Variants in GRXCR2 observed in about 807,000 individuals in gnomAD.
GRXCR2 encodes the protein glutaredoxin domain-containing cysteine-rich protein 2.
GRXCR2 carries 23 observed loss-of-function variants against 24.8 expected under a neutral mutation model. That is an observed-to-expected ratio of 0.93 (90% CI 0.67 to 1.32). GRXCR2 has a LOEUF of 1.32. Ranked by LOEUF, GRXCR2 falls within the 40% of genes most tolerant of loss-of-function variation. GRXCR2 has a pLI of 0.00. For missense variants in GRXCR2, 315 were observed against 303.4 expected, an observed-to-expected ratio of 1.04 and a Z score of -0.28; for synonymous variants, 130 against 116.1, an observed-to-expected ratio of 1.12 and a Z score of -0.77.
chr5:145,869,424 A>G (rs565986517), intron 1 of GRXCR2, among the ~76,000 whole-genome samples: 6 of 152,052 alleles, frequency 3.9e-5, no homozygotes, highest in Non-Finnish European at 7.4e-5. Flanking sequence ...CTTTTTCTCT[A>G]CCCATCACAT....
At chr5:145,881,407 G>T (rs1756698996) in intron 2 of GRXCR2, among the ~76,000 whole-genome samples, 1 of 152,174 alleles carries the variant, frequency 6.6e-6, no homozygotes, top group Admixed American at 6.5e-5. Flanking sequence ...GCCAAATCAT[G>T]AGTGAACTCC....
Position 145,859,634 on chromosome 5 carries a change from G to T in GRXCR2, c.*99C>A. Reference sequence around the variant, plus strand: ...AGTGGGAGTGACTGCAGCCACTGTGGCCTCCTTGTTGGGAGAGGCAGGAGG... The same window carrying T: ...AGTGGGAGTGACTGCAGCCACTGTGTCCTCCTTGTTGGGAGAGGCAGGAGG... On this transcript the variant is annotated 3_prime_UTR_variant, in exon 3 of 3. Coordinates refer to ENST00000377976, the MANE Select transcript of GRXCR2 (RefSeq NM_001080516.2). 9.2e-7 allele frequency: 1 copy of T among 1,085,108 alleles called. No homozygotes were observed. Among genetic ancestry groups the T allele is most frequent in the South Asian group, 1.4e-5 (1 of 70,980 alleles). The allele number at this position is 1,085,108 out of a possible 1,614,324, so 67.2% of individuals were successfully genotyped here.
intron 2 of GRXCR2, among the ~76,000 whole-genome samples, chr5:145,913,264 C>T (rs571996130): frequency 7.2e-5 from 11 of 152,252 alleles, no homozygotes; most frequent in African/African-American, 2.6e-4. Context: ...CTCAGGATAG[C>T]ACATTGCATT....
intron 2 of GRXCR2, among the ~76,000 whole-genome samples, chr5:145,861,127 A>G (rs182855254): frequency 1.3e-4 from 20 of 151,910 alleles, no homozygotes; most frequent in East Asian, 3.9e-4. Flanking sequence ...TGCTTTCTTC[A>G]TCCCACAACT....
upstream of GRXCR2, among the ~76,000 whole-genome samples, chr5:145,875,848 T>G (rs1427823076): frequency 6.6e-6 from 1 of 152,080 alleles, no homozygotes; most frequent in East Asian, 1.9e-4. Context: ...TACATTAGCC[T>G]TATTCATTTA....
chr5:145,877,489 A>T (rs1212132093), upstream of GRXCR2, among the ~76,000 whole-genome samples: 1 of 152,242 alleles, frequency 6.6e-6, no homozygotes, highest in Non-Finnish European at 1.5e-5. Context: ...TAAGAAAATA[A>T]TATGGAAACA....
chr5:145,887,886 T>C (rs1188968685), intron 2 of GRXCR2, among the ~76,000 whole-genome samples: 1 of 152,236 alleles, frequency 6.6e-6, no homozygotes, highest in African/African-American at 2.4e-5. Context: ...ACAGAGTGCC[T>C]ATTTTACAAT....
intron 2 of GRXCR2, among the ~76,000 whole-genome samples, chr5:145,912,717 G>A (rs1757183130): frequency 6.6e-6 from 1 of 151,884 alleles, no homozygotes; most frequent in Admixed American, 6.6e-5. Context: ...GGAGGTATGA[G>A]GCGGAGTCCT....
At chr5:145,871,326 TA>T in intron 1 of GRXCR2, among the ~76,000 whole-genome samples, 1 of 152,132 alleles carries the variant, frequency 6.6e-6, no homozygotes, top group Non-Finnish European at 1.5e-5. Flanking sequence ...TATGGTTCTC[TA>T]AAAAAAGGAA....
intron 1 of GRXCR2, among the ~76,000 whole-genome samples, chr5:145,867,588 C>T (rs1756458569): frequency 6.6e-6 from 1 of 152,148 alleles, no homozygotes; most frequent in South Asian, 2.1e-4. Context: ...GACAATATCA[C>T]AATGCAGTAG....
intron 2 of GRXCR2, among the ~76,000 whole-genome samples, chr5:145,909,532 C>T (rs1757135923): frequency 6.6e-6 from 1 of 152,216 alleles, no homozygotes; most frequent in Admixed American, 6.5e-5. Flanking sequence ...TATTGCCCCC[C>T]TCAGTGTAAC....
intron 2 of GRXCR2, among the ~76,000 whole-genome samples, chr5:145,891,561 T>TCA (rs1756864580): frequency 1.3e-5 from 2 of 152,080 alleles, no homozygotes; most frequent in Admixed American, 1.3e-4. Context: ...GAGATCAAAC[T>TCA]GCAAGGCAGC....
rs538830429 is a variant in GRXCR2, at chr5:145,909,218, C to T, written c.-70+26483G>A. Among the ~76,000 whole-genome samples the T allele has an allele frequency of 5.1e-4, 77 of 152,270 alleles. 1 individual carries two copies. The South Asian group carries it at 0.014, about 27-fold the overall frequency. ...GTAATTCATAACAGGCTATGAGGCG[C>T]GCAGTCATTACTACTGCCATATTAT... On this transcript the variant is annotated intron_variant, in intron 2 of 3. Coordinates refer to the GRXCR2 transcript ENST00000639411.
At chr5:145,917,633 T>C (rs1049959178) in intron 2 of GRXCR2, among the ~76,000 whole-genome samples, 3 of 152,098 alleles carry the variant, frequency 2.0e-5, no homozygotes, top group Non-Finnish European at 2.9e-5. Context: ...GCAGCACCTG[T>C]CACATCCTCA....
At chr5:145,929,222 T>TATATATATATATATATATAC (rs1561694422) in intron 2 of GRXCR2, among the ~76,000 whole-genome samples, 1 of 146,508 alleles carries the variant, frequency 6.8e-6, no homozygotes, top group African/African-American at 2.5e-5. Context: ...TATATATATA[T>TATATATATATATATATATAC]ATCACCATTT....
At chr5:145,866,148 A>AAAG (rs1554104084) in intron 2 of GRXCR2, among the ~76,000 whole-genome samples, 1 of 148,284 alleles carries the variant, frequency 6.7e-6, no homozygotes, top group African/African-American at 2.5e-5. Flanking sequence ...AAAAAAAAAA[A>AAAG]AAAGAAAGAA....
At chr5:145,906,568 A>G (rs1341512510) in intron 2 of GRXCR2, among the ~76,000 whole-genome samples, 1 of 152,174 alleles carries the variant, frequency 6.6e-6, no homozygotes, top group Non-Finnish European at 1.5e-5. Context: ...TTCCAACAGC[A>G]CTGGAAGTAA....
chr5:145,922,816 GGCCAAACTCCCA>G (rs1757340464), intron 2 of GRXCR2, among the ~76,000 whole-genome samples: 1 of 152,186 alleles, frequency 6.6e-6, no homozygotes. Context: ...ACCAAAGCTA[GGCCAAACTCCCA>G]GAACTAGCCC....
chr5:145,925,431 T>A (rs1450754823), intron 2 of GRXCR2, among the ~76,000 whole-genome samples: 1 of 152,182 alleles, frequency 6.6e-6, no homozygotes, highest in Non-Finnish European at 1.5e-5. Flanking sequence ...CTGATTGCAT[T>A]TTTATGGATG....
Sources: gnomAD v4.1 joint callset for allele counts (sites outside exome capture counted in the v4.1 genomes callset) on GRCh38, gnomAD v4.1.1 for gene constraint, MANE v1.5 for transcripts, NCBI Gene and HGNC (gene_info 2026-07-23, HGNC 2026-07-21) for gene names.